Variants in POLA2 observed in about 807,000 individuals in gnomAD.
POLA2 encodes the protein DNA polymerase alpha subunit B.
Under a neutral mutation model 82.8 loss-of-function variants are expected in POLA2, and 47 were observed. That is an observed-to-expected ratio of 0.57 (90% CI 0.45 to 0.72). The LOEUF (loss-of-function observed/expected upper bound fraction) is 0.72, where lower values mean the gene tolerates loss of function less well. Ranked by LOEUF, POLA2 falls within the 30% of genes least tolerant of loss-of-function variation. The probability of loss-of-function intolerance (pLI) is 0.00; values close to 1 mark genes in which losing one functional copy is unlikely to be tolerated. For missense variants in POLA2, 634 were observed against 728.1 expected, an observed-to-expected ratio of 0.87 and a Z score of 1.49; for synonymous variants, 287 against 286.8, an observed-to-expected ratio of 1.00 and a Z score of -0.01.
rs1949819841 is a variant in POLA2, at chr11:65,297,170, G to T, written c.1698G>T (p.Gln566His). ...ACCCTGGGCGCCTTACCAAAGGGCAGGTGGGAGGCACCTTCGCCCGACTCT... is the reference window on the plus strand; with the variant it reads ...ACCCTGGGCGCCTTACCAAAGGGCATGTGGGAGGCACCTTCGCCCGACTCT... ...CVNPGRLTKG[Q>H]VGGTFARLYL... is the part of the protein sequence containing the mutation. The change falls in exon 18 of 18, where the codon CAG becomes CAT. Residue 566 changes from glutamine (Q) to histidine (H), a missense_variant. Gln to His is a conservative substitution (Grantham distance 24). Coordinates refer to ENST00000265465, the MANE Select transcript of POLA2 (RefSeq NM_002689.4). 1.9e-6 allele frequency: 3 copies of T among 1,614,018 alleles called. No individual in the cohort carries two copies. The African/African-American group carries it at 4.0e-5, about 22-fold the overall frequency.
intron 7 of POLA2, 64 bp downstream of exon 7, chr11:65,279,690 C>T (rs1355021015): frequency 9.0e-7 from 1 of 1,114,440 alleles, no homozygotes; most frequent in Non-Finnish European, 1.3e-6. Context: ...GACCAAGAGG[C>T]ATCCTTCTTG....
chr11:65,273,959 C>T (rs1187554433), intron 4 of POLA2, among the ~76,000 whole-genome samples: 1 of 152,158 alleles, frequency 6.6e-6, no homozygotes, highest in Non-Finnish European at 1.5e-5. Context: ...AATCACTTTT[C>T]ACCTGAGACT....
At chr11:65,295,826 G>C (rs530829493) in intron 16 of POLA2, 38 bp from the exon 17 acceptor site, 4 of 1,593,114 alleles carry the variant, frequency 2.5e-6, no homozygotes, top group Non-Finnish European at 3.4e-6. Context: ...GGGGCCCCCC[G>C]GTCAGCTAGT....
At chr11:65,265,781 C>T (rs915606559) in intron 1 of POLA2, among the ~76,000 whole-genome samples, 7 of 152,220 alleles carry the variant, frequency 4.6e-5, no homozygotes, top group African/African-American at 1.7e-4. Context: ...CCGGCTTACT[C>T]CTAGTTTTTC....
chr11:65,264,354 C>A (rs140756025), intron 1 of POLA2, among the ~76,000 whole-genome samples: 172 of 152,174 alleles, frequency 1.1e-3, no homozygotes, highest in African/African-American at 4.0e-3. Context: ...TAGGTGTGAG[C>A]CACCACACCT....
At chr11:65,274,367 G>A (rs182038304) in intron 4 of POLA2, among the ~76,000 whole-genome samples, 5 of 146,338 alleles carry the variant, frequency 3.4e-5, no homozygotes, top group Admixed American at 7.1e-5. Context: ...GTGAAATTCC[G>A]TCTCGGAAAA....
At chr11:65,263,218 C>CCCT (rs1486801218) in intron 1 of POLA2, among the ~76,000 whole-genome samples, 19 of 143,964 alleles carry the variant, frequency 1.3e-4, no homozygotes, top group African/African-American at 4.3e-4. Flanking sequence ...TTCTCTCTCT[C>CCCT]TCTTTTTTTT....
Position 65,297,207 on chromosome 11 carries a change from C to A in POLA2, c.1735C>A (p.Pro579Thr). Residue 579 changes from proline to threonine, a missense_variant, in exon 18 of 18, where the codon CCG becomes ACG. Pro to Thr is a conservative substitution (Grantham distance 38). Transcript: ENST00000265465. ...GTFARLYLRRPAADGAERQSP... is the reference protein window; with the variant it reads ...GTFARLYLRRTAADGAERQSP... ...CTTCGCCCGACTCTACCTTAGGAGG[C>A]CGGCAGCGGACGGGGCAGAGAGGCA... 4.3e-6 allele frequency: 7 copies of A among 1,613,980 alleles called. No individual in the cohort carries two copies. In the South Asian group the frequency reaches 7.7e-5, roughly 18 times the overall value.
downstream of POLA2, among the ~76,000 whole-genome samples, chr11:65,299,493 C>T (rs541167658): frequency 3.9e-5 from 6 of 152,330 alleles, no homozygotes; most frequent in South Asian, 1.2e-3. Context: ...GCCAAGAATG[C>T]AGCGAGGGAA....
downstream of POLA2, among the ~76,000 whole-genome samples, chr11:65,303,069 G>A (rs934460422): frequency 1.3e-5 from 2 of 152,102 alleles, no homozygotes; most frequent in African/African-American, 4.8e-5. Flanking sequence ...GGGGCCAGGC[G>A]CGGTGGCTGA....
At chr11:65,291,993 C>T (rs1949759771) in intron 13 of POLA2, among the ~76,000 whole-genome samples, 1 of 152,246 alleles carries the variant, frequency 6.6e-6, no homozygotes, top group Non-Finnish European at 1.5e-5. Flanking sequence ...AATCCCAGCA[C>T]TTTAGGAGAC....
At chr11:65,281,845 T>G in intron 9 of POLA2, 113 bp downstream of exon 9, 2 of 862,610 alleles carry the variant, frequency 2.3e-6, no homozygotes, top group African/African-American at 1.7e-5. Context: ...TGTTAGTCAG[T>G]TCTCCATCTG....
chr11:65,288,912 G>C (rs938354535), intron 11 of POLA2, 138 bp from the exon 12 acceptor site: 4 of 770,542 alleles, frequency 5.2e-6, no homozygotes, highest in Non-Finnish European at 8.6e-6. Context: ...TCTGCTAACT[G>C]TCCCCAGGCT....
downstream of POLA2, among the ~76,000 whole-genome samples, chr11:65,298,919 T>TGGGAGGGCC (rs1175620925): frequency 2.6e-5 from 4 of 152,068 alleles, no homozygotes; most frequent in African/African-American, 9.7e-5. Flanking sequence ...GGAAATGATC[T>TGGGAGGGCC]GGGAGGGCCG....
chr11:65,279,514 T>TC (rs41558816), intron 6 of POLA2, 24 bp from the exon 7 acceptor site: 2 of 1,449,134 alleles, frequency 1.4e-6, no homozygotes, highest in Non-Finnish European at 1.9e-6. Context: ...AACATAATAC[T>TC]TTTTTCCACT....
At chr11:65,289,926 C>A in intron 13 of POLA2, 54 bp downstream of exon 13, 1 of 1,199,696 alleles carries the variant, frequency 8.3e-7, no homozygotes, top group Non-Finnish European at 1.2e-6. Context: ...TTCTCCAGAG[C>A]TTCCCATTAA....
At chr11:65,272,887 G>A (rs928374217) in intron 4 of POLA2, among the ~76,000 whole-genome samples, 2 of 151,690 alleles carry the variant, frequency 1.3e-5, no homozygotes, top group African/African-American at 2.4e-5. Flanking sequence ...GGCAGCGGGC[G>A]CCTGTAATCC....
chr11:65,271,838 GAAAAA>G (rs1213411869), intron 4 of POLA2, among the ~76,000 whole-genome samples: 7 of 83,346 alleles, frequency 8.4e-5, no homozygotes, highest in Non-Finnish European at 1.7e-4. Context: ...GACTCCGTCT[GAAAAA>G]AAAAAAAAAA....
intron 4 of POLA2, among the ~76,000 whole-genome samples, chr11:65,273,481 GT>G (rs1949543673): frequency 3.3e-5 from 5 of 152,296 alleles, no homozygotes; most frequent in South Asian, 2.1e-4. Context: ...ACACCAGACT[GT>G]GCCTTGTTTA....
Sources: allele counts gnomAD v4.1 joint callset (sites outside exome capture counted in the v4.1 genomes callset), GRCh38; gene constraint gnomAD v4.1.1; transcripts MANE v1.5; gene names NCBI Gene and HGNC (gene_info 2026-07-23, HGNC 2026-07-21).